The following ANKDD1A variants were observed in gnomAD, a reference collection of about 807,000 sequenced individuals.
The protein encoded by ANKDD1A is ankyrin repeat and death domain-containing protein 1A.
In ANKDD1A, 59 loss-of-function variants were observed where a neutral mutation model predicts 63.5. The observed-to-expected ratio is 0.93, with a 90% confidence interval of 0.75 to 1.15. The LOEUF is 1.15. ANKDD1A is among the 50% of genes most tolerant of loss of function. ANKDD1A has a pLI of 0.00. For missense variants in ANKDD1A, 632 were observed against 656.4 expected (o/e 0.96, Z 0.41); for synonymous variants, 266 against 263.9 (o/e 1.01, Z -0.08).
At chr15:64,952,119 CTTCTCTTTCTTCTTCTT>C (rs2085298925) in intron 14 of ANKDD1A, among the ~76,000 whole-genome samples, 2 of 9,546 alleles carry the variant, frequency 2.1e-4, no homozygotes, top group Non-Finnish European at 8.5e-4. Flanking sequence ...CTTCTTCTTT[CTTCTCTTTCTTCTTCTT>C]CCTTATTCTT....
chr15:64,930,830 C>T lies in ANKDD1A; in HGVS notation c.579C>T (p.Asn193=), dbSNP rs773806186. 5 of 1,612,508 alleles carry T rather than the reference C, an allele frequency of 3.1e-6. No individual in the cohort carries two copies. Among genetic ancestry groups the T allele is most frequent in the South Asian group, 2.2e-5 (2 of 90,722 alleles). ...AGCCCTTTTTCCTGCAGGAGGGGAA[C>T]ACTGCCCTTCATCTGGCTGCTGGTC... ...CDHNVKDKEG[N]TALHLAAGRG... Residue 193 remains asparagine (N), a synonymous_variant, in exon 7 of 15, where the codon AAC becomes AAT. Coordinates refer to ENST00000319580, the MANE Select transcript of ANKDD1A (RefSeq NM_182703.6).
chr15:64,935,225 CAAAAA>C (rs1243053667), intron 9 of ANKDD1A, among the ~76,000 whole-genome samples: 1 of 98,714 alleles, frequency 1.0e-5, no homozygotes, highest in East Asian at 3.0e-4. Flanking sequence ...GACTCTGTCT[CAAAAA>C]AAAAAAAAAA....
intron 4 of ANKDD1A, among the ~76,000 whole-genome samples, chr15:64,923,953 C>A (rs1397940949): frequency 6.6e-6 from 1 of 152,170 alleles, no homozygotes; most frequent in Non-Finnish European, 1.5e-5. Context: ...TTAAGCAGAT[C>A]CCCTCTATAT....
chr15:64,913,541 C>A (rs545988578), intron 1 of ANKDD1A, among the ~76,000 whole-genome samples: 1 of 152,098 alleles, frequency 6.6e-6, no homozygotes, highest in African/African-American at 2.4e-5. Context: ...GAGGAAACTG[C>A]CTAACACAGC....
At chr15:64,930,130 T>C (rs765456854) in intron 6 of ANKDD1A, among the ~76,000 whole-genome samples, 13 of 151,952 alleles carry the variant, frequency 8.6e-5, no homozygotes, top group Non-Finnish European at 1.3e-4. Context: ...TCAGGGCAAA[T>C]AGCTAATGCA....
At chr15:64,952,417 T>TAGTTTCTTCTC (rs2085308077) in intron 14 of ANKDD1A, among the ~76,000 whole-genome samples, 2 of 4,682 alleles carry the variant, frequency 4.3e-4, no homozygotes, top group South Asian at 0.029. Context: ...TTCTTCTCCT[T>TAGTTTCTTCTC]CTTAGTTTTC....
At chr15:64,954,384 CTTCTTCT>C (rs2085383891) in intron 14 of ANKDD1A, among the ~76,000 whole-genome samples, 173 of 74,924 alleles carry the variant, frequency 2.3e-3, no homozygotes, top group African/African-American at 7.4e-3. Flanking sequence ...CTTTTCTTTT[CTTCTTCT>C]TTCTTCTTCC....
At chr15:64,952,628 CT>C (rs749113656) in intron 14 of ANKDD1A, among the ~76,000 whole-genome samples, 8 of 19,004 alleles carry the variant, frequency 4.2e-4, no homozygotes, top group Non-Finnish European at 1.2e-3. Flanking sequence ...CCTTCTTCGT[CT>C]TTTCTTTCTT....
intron 14 of ANKDD1A, chr15:64,951,353 C>CA: frequency 1.9e-6 from 1 of 515,062 alleles, no homozygotes; most frequent in Non-Finnish European, 2.3e-6. Context: ...CTTTCCTCTT[C>CA]TTTCTTCTTC....
At chr15:64,952,720 TTCTTCTTCTC>T (rs1467948112) in intron 14 of ANKDD1A, among the ~76,000 whole-genome samples, 1 of 144,598 alleles carries the variant, frequency 6.9e-6, no homozygotes, top group Non-Finnish European at 1.5e-5. Context: ...CCTTTCTTCT[TTCTTCTTCTC>T]CTTCTTCCTC....
chr15:64,935,629 C>G (rs963320303), intron 9 of ANKDD1A, among the ~76,000 whole-genome samples: 2 of 151,788 alleles, frequency 1.3e-5, no homozygotes, highest in Non-Finnish European at 2.9e-5. Context: ...GAGCCGAGAT[C>G]GCACCACTGC....
Position 64,942,485 on chromosome 15 carries a change from C to T in ANKDD1A, c.886C>T (p.His296Tyr). Reference protein sequence around the residue: ...VVDHQGASPLHLAVRHNFPAL... With the variant: ...VVDHQGASPLYLAVRHNFPAL... Reference sequence around the variant, plus strand: ...CCCACAGCAGGGTGCCTCTCCTCTGCACCTCGCTGTGAGGCACAACTTCCC... The same window carrying T: ...CCCACAGCAGGGTGCCTCTCCTCTGTACCTCGCTGTGAGGCACAACTTCCC... Residue 296 changes from histidine to tyrosine, a missense_variant, in exon 10 of 15, where the codon CAC becomes TAC. Physicochemically the swap from His to Tyr is moderately conservative, Grantham distance 83 (BLOSUM62 2). Coordinates refer to ENST00000319580, the MANE Select transcript of ANKDD1A (RefSeq NM_182703.6). 2 of 1,613,226 alleles carry T rather than the reference C, an allele frequency of 1.2e-6. No individual in the cohort carries two copies. The highest frequency in any genetic ancestry group is 2.2e-5 in the East Asian group (1 of 44,820).
chr15:64,952,673 T>TCCC (rs2085316762), intron 14 of ANKDD1A, among the ~76,000 whole-genome samples: 2 of 56,336 alleles, frequency 3.6e-5, no homozygotes, highest in Admixed American at 2.1e-4. Flanking sequence ...CCTTCTTCCT[T>TCCC]CTTCTTCTTC....
At chr15:64,928,540 G>A (rs1255301252) in intron 6 of ANKDD1A, among the ~76,000 whole-genome samples, 2 of 134,802 alleles carry the variant, frequency 1.5e-5, no homozygotes, top group African/African-American at 5.0e-5. Flanking sequence ...CAATGGGAGT[G>A]TTTTCATTTT....
At chr15:64,944,783 A>G in intron 12 of ANKDD1A, 36 bp downstream of exon 12, 6 of 1,602,956 alleles carry the variant, frequency 3.7e-6, no homozygotes, top group Non-Finnish European at 5.1e-6. Context: ...TCCTCATTGG[A>G]AAGGGAGTGA....
chr15:64,933,557 C>T (rs1316248462), intron 8 of ANKDD1A, among the ~76,000 whole-genome samples: 1 of 151,744 alleles, frequency 6.6e-6, no homozygotes, highest in Non-Finnish European at 1.5e-5. Flanking sequence ...TAAAAACCAC[C>T]TCCTGGCCAG....
At chr15:64,940,581 C>T (rs1263191490) in intron 9 of ANKDD1A, among the ~76,000 whole-genome samples, 17 of 146,382 alleles carry the variant, frequency 1.2e-4, no homozygotes, top group East Asian at 6.1e-4. Flanking sequence ...TACAGGCACC[C>T]GCCACCAAGC....
At chr15:64,940,881 G>C (rs978649584) in intron 9 of ANKDD1A, among the ~76,000 whole-genome samples, 6 of 152,144 alleles carry the variant, frequency 3.9e-5, no homozygotes. Context: ...TGAAACTACA[G>C]GTGTGCACCA....
At chr15:64,951,251 TC>T in intron 14 of ANKDD1A, 1 of 986,256 alleles carries the variant, frequency 1.0e-6, no homozygotes, top group South Asian at 4.6e-5. Context: ...CCTTTTGAGC[TC>T]TTGGCACACT....
Sources: allele counts gnomAD v4.1 joint callset (sites outside exome capture counted in the v4.1 genomes callset), GRCh38; gene constraint gnomAD v4.1.1; transcripts MANE v1.5; gene names NCBI Gene and HGNC (gene_info 2026-07-23, HGNC 2026-07-21).